Variants in OVCH1 observed in about 807,000 individuals in gnomAD.
The protein encoded by OVCH1 is ovochymase 1.
In OVCH1, 139 loss-of-function variants were observed where a neutral mutation model predicts 138.4. That is an observed-to-expected ratio of 1.00 (90% CI 0.87 to 1.16). The LOEUF (loss-of-function observed/expected upper bound fraction) is 1.16, where lower values mean the gene tolerates loss of function less well. OVCH1 is among the 50% of genes most tolerant of loss of function. The pLI is 0.00. For missense variants in OVCH1, 1,367 were observed against 1,357.9 expected, an observed-to-expected ratio of 1.01 and a Z score of -0.11; for synonymous variants, 453 against 467.8, an observed-to-expected ratio of 0.97 and a Z score of 0.41.
intron 3 of OVCH1, among the ~76,000 whole-genome samples, chr12:29,419,435 C>T (rs1301287423): frequency 7.1e-6 from 1 of 141,532 alleles, no homozygotes; most frequent in Non-Finnish European, 1.5e-5. Context: ...CTACAGGTGC[C>T]CGCCACCATG....
rs552957772 is a variant in OVCH1, at chr12:29,459,585, C to T, written c.2280+2269G>A. Among the ~76,000 whole-genome samples, 4 of 152,196 alleles carry T rather than the reference C, an allele frequency of 2.6e-5. No individual in the cohort carries two copies. The East Asian group carries it at 7.7e-4, about 29-fold the overall frequency. ...ATTTGATAGCACAACAGGGTAACTA[C>T]AGTCAATAATAATTTAATTCTGCAT... On this transcript the variant is annotated intron_variant, in intron 19 of 27. Coordinates refer to ENST00000318184, the Ensembl canonical transcript of OVCH1.
intron 13 of OVCH1, among the ~76,000 whole-genome samples, chr12:29,475,607 G>A (rs533624551): frequency 4.6e-5 from 7 of 152,148 alleles, no homozygotes; most frequent in African/African-American, 1.4e-4. Flanking sequence ...CAGAATTATG[G>A]CATTGTGCTC....
At chr12:29,438,076 TATTA>T (rs1398959375) in intron 26 of OVCH1, among the ~76,000 whole-genome samples, 1 of 152,186 alleles carries the variant, frequency 6.6e-6, no homozygotes, top group Non-Finnish European at 1.5e-5. Flanking sequence ...CACAGGAACT[TATTA>T]ATTTGTTTTC....
rs577874985 is a variant in OVCH1 at position 29,489,670 on chromosome 12, T to A, written c.652A>T (p.Arg218Trp). The A allele has an allele frequency of 6.8e-6, 11 of 1,609,552 alleles. No individual in the cohort carries two copies. In the Admixed American group the frequency reaches 1.7e-4, roughly 25 times the overall value. The change falls in exon 6 of 28, where the codon AGG becomes TGG. Residue 218 changes from arginine to tryptophan, a missense_variant. Coordinates refer to ENST00000318184, the Ensembl canonical transcript of OVCH1. ...GGGAAGCCAGCACACAGCATGGTCC[T>A]TCCCAGGGGAGGGAGGTTCATGCTC...
At chr12:29,431,600 GCTA>G (rs1224265886) in intron 27 of OVCH1, among the ~76,000 whole-genome samples, 31 of 152,058 alleles carry the variant, frequency 2.0e-4, no homozygotes, top group African/African-American at 7.2e-4. Flanking sequence ...ATTTTTCCAT[GCTA>G]CTAACTACCT....
chr12:29,493,034 T>C (rs1285157373), intron 4 of OVCH1, among the ~76,000 whole-genome samples: 1 of 152,152 alleles, frequency 6.6e-6, no homozygotes, highest in Non-Finnish European at 1.5e-5. Flanking sequence ...ACCAAATTTA[T>C]GGAACAGTGG....
At chr12:29,478,890 T>C in exon 9 of OVCH1, 1 of 1,586,790 alleles carries the variant, frequency 6.3e-7, no homozygotes, top group Non-Finnish European at 8.6e-7. Context: ...CACATCCAAC[T>C]TGCTTTTCCA....
chr12:29,478,297 T>C (rs949296586), intron 9 of OVCH1, among the ~76,000 whole-genome samples: 5 of 152,320 alleles, frequency 3.3e-5, no homozygotes, highest in Non-Finnish European at 7.4e-5. Flanking sequence ...TAGATACACC[T>C]GTAAGTGCTG....
downstream of OVCH1, among the ~76,000 whole-genome samples, chr12:29,424,560 A>G (rs1168086307): frequency 1.3e-5 from 2 of 152,208 alleles, no homozygotes; most frequent in African/African-American, 4.8e-5. Context: ...GGGGTTTCCA[A>G]AGTCCTGTCA....
intron 21 of OVCH1, among the ~76,000 whole-genome samples, chr12:29,453,757 T>TA (rs1941864441): frequency 6.6e-6 from 1 of 152,126 alleles, no homozygotes; most frequent in Non-Finnish European, 1.5e-5. Flanking sequence ...TACTTGGGGA[T>TA]ACTCCACTTT....
intron 13 of OVCH1, among the ~76,000 whole-genome samples, chr12:29,475,732 T>C (rs1247053681): frequency 6.6e-6 from 1 of 152,166 alleles, no homozygotes; most frequent in Non-Finnish European, 1.5e-5. Flanking sequence ...AAAAAGTGGT[T>C]AGAGGGCTGG....
At chr12:29,411,923 G>T (rs969122493), downstream of OVCH1, among the ~76,000 whole-genome samples, 2 of 125,262 alleles carry the variant, frequency 1.6e-5, no homozygotes, top group African/African-American at 6.3e-5. Flanking sequence ...AGCCTACAGA[G>T]GCAGGCAGGC....
chr12:29,451,511 A>C lies in OVCH1; in HGVS notation c.2589T>G (p.Tyr863Ter). 1 of 1,613,282 alleles carries C rather than the reference A, an allele frequency of 6.2e-7. No individual in the cohort carries two copies. The highest frequency in any genetic ancestry group is 8.5e-7 in the Non-Finnish European group (1 of 1,179,546). Reference sequence around the variant, plus strand: ...CCAGTCTTCCTCTATAATCCAGTAGATACCGTGGTGTGGGAAAAAAGCCTC... The same window carrying C: ...CCAGTCTTCCTCTATAATCCAGTAGCTACCGTGGTGTGGGAAAAAAGCCTC... Residue 863 changes from tyrosine (Y) to a stop codon, truncating the protein, a stop_gained, in exon 22 of 28, where the codon TAT becomes TAG. Coordinates refer to ENST00000318184, the Ensembl canonical transcript of OVCH1. LOFTEE classifies it high-confidence loss of function.
At chr12:29,403,159 G>A in the OVCH1 span, among the ~76,000 whole-genome samples, 3 of 152,124 alleles carry the variant, frequency 2.0e-5, no homozygotes, top group Non-Finnish European at 4.4e-5. Flanking sequence ...ACATCTTGAT[G>A]TATTATTGTA....
At chr12:29,451,347 G>T in exon 22 of OVCH1, 1 of 1,610,606 alleles carries the variant, frequency 6.2e-7, no homozygotes, top group Non-Finnish European at 8.5e-7. Flanking sequence ...AGGATTACCT[G>T]CCGTCTTTCT....
intron 27 of OVCH1, among the ~76,000 whole-genome samples, chr12:29,431,452 A>G (rs1216252319): frequency 6.6e-6 from 1 of 152,120 alleles, no homozygotes; most frequent in African/African-American, 2.4e-5. Context: ...AAATCCTCCT[A>G]TAGTCCCTCC....
At position 29,489,669 on chromosome 12, in the gene OVCH1, C is replaced by CT. The variant is rs752923523; in HGVS notation, c.652dup (p.Arg218LysfsTer10). ...AGGGAAGCCAGCACACAGCATGGTC[C>CT]TTCCCAGGGGAGGGAGGTTCATGCT... is the stretch of plus-strand genomic sequence containing the variant. On this transcript the variant is annotated frameshift_variant, in exon 6 of 28. Transcript: ENST00000318184. LOFTEE classifies it high-confidence loss of function. 2.7e-5 allele frequency: 44 copies of CT among 1,609,504 alleles called. No individual in the cohort carries two copies. In the East Asian group the frequency reaches 9.6e-4, roughly 35 times the overall value.
intron 3 of OVCH1, among the ~76,000 whole-genome samples, chr12:29,422,079 C>T (rs1381638392): frequency 6.6e-6 from 1 of 152,132 alleles, no homozygotes; most frequent in Admixed American, 6.5e-5. Context: ...ACTGTTTTCA[C>T]TGCATTAAGG....
rs371605384 is a variant in OVCH1, at chr12:29,487,522, T to G, written c.892+171A>C. 1.0e-5 allele frequency: 6 copies of G among 587,672 alleles called. No individual in the cohort carries two copies. In the African/African-American group the frequency reaches 1.1e-4, roughly 11 times the overall value. 36.4% of individuals were successfully genotyped at this position (587,672 alleles called of 1,614,324 possible). ...AGGGATTTGGTTTGTTCAAGTTATATTGACAGATTTCTGTACTCAGGGTTT... is the reference window on the plus strand; with the variant it reads ...AGGGATTTGGTTTGTTCAAGTTATAGTGACAGATTTCTGTACTCAGGGTTT... On this transcript the variant is annotated intron_variant, in intron 7 of 27. Coordinates refer to ENST00000318184, the Ensembl canonical transcript of OVCH1.
Sources: gnomAD v4.1 joint callset for allele counts (sites outside exome capture counted in the v4.1 genomes callset) on GRCh38, gnomAD v4.1.1 for gene constraint, MANE v1.5 for transcripts, NCBI Gene and HGNC (gene_info 2026-07-23, HGNC 2026-07-21) for gene names.